The following S100PBP variants were observed in gnomAD, a reference collection of about 807,000 sequenced individuals.
S100PBP encodes the protein S100P-binding protein.
A neutral mutation model predicts 39.9 loss-of-function variants in S100PBP; 15 were observed. The ratio of observed to expected loss-of-function variants is 0.38; its 90% CI spans 0.25 to 0.58. S100PBP has a LOEUF of 0.58. Among genes scored for constraint, S100PBP ranks in the 20% least tolerant of loss-of-function variants. The pLI is 0.70. For missense variants in S100PBP, 504 were observed against 487.3 expected (o/e 1.03, Z -0.32); for synonymous variants, 178 against 180.3 (o/e 0.99, Z 0.10).
rs771560777 is a variant in S100PBP, at chr1:32,830,021, C to G, written c.978C>G (p.Leu326=). ...SNLEQQKQLY[L]RSVIAHIEDP... is the part of the protein sequence containing the mutation. ...TAGAACAGCAGAAGCAGCTTTATCT[C>G]AGGAGTGTCATTGCTCATATAGAAG... Residue 326 remains leucine (L), a synonymous_variant, in exon 5 of 7, where the codon CTC becomes CTG. Coordinates refer to ENST00000373475, the MANE Select transcript of S100PBP (RefSeq NM_022753.4). 13 of 1,613,944 alleles carry G rather than the reference C, an allele frequency of 8.1e-6. No individual in the cohort carries two copies. The South Asian group carries it at 1.4e-4, about 18-fold the overall frequency.
In S100PBP at chr1:32,845,271, T is replaced by C. The variant is rs542856504; in HGVS notation, c.1025-7808T>C. Among the ~76,000 whole-genome samples, 6 of 152,176 alleles carry C rather than the reference T, an allele frequency of 3.9e-5. No individual in the cohort carries two copies. In the South Asian group the frequency reaches 1.2e-3, roughly 32 times the overall value. Reference sequence around the variant, plus strand: ...GATGGTCTCGATCTCCTGGCCTTTCTTTTTTAAAAAATAGAGACAGTAGCC... The same window carrying C: ...GATGGTCTCGATCTCCTGGCCTTTCCTTTTTAAAAAATAGAGACAGTAGCC... On this transcript the variant is annotated intron_variant, in intron 5 of 6. Transcript: ENST00000373475.
At chr1:32,829,468 T>C (rs1321696335) in intron 4 of S100PBP, among the ~76,000 whole-genome samples, 3 of 152,172 alleles carry the variant, frequency 2.0e-5, no homozygotes, top group Non-Finnish European at 4.4e-5. Context: ...TTTTAAATTA[T>C]TTGATTTTTT....
Position 32,856,198 on chromosome 1 carries a change from G to A in S100PBP, c.*160G>A, listed in dbSNP as rs967848995. ...TCACCTTTTGGAAATGCCCATTGCC[G>A]ACTTGAATTTTTTTGTATGAAGTCC... On this transcript the variant is annotated 3_prime_UTR_variant, in exon 7 of 7. Coordinates refer to ENST00000373475, the MANE Select transcript of S100PBP (RefSeq NM_022753.4). 1.3e-5 allele frequency: 6 copies of A among 465,466 alleles called. No individual in the cohort carries two copies. The highest frequency in any genetic ancestry group is 1.2e-4 in the African/African-American group (6 of 50,010). The allele number at this position is 465,466 out of a possible 1,614,324, so 28.8% of individuals were successfully genotyped here.
At chr1:32,840,243 C>T (rs1640023864) in intron 5 of S100PBP, among the ~76,000 whole-genome samples, 2 of 152,066 alleles carry the variant, frequency 1.3e-5, no homozygotes, top group African/African-American at 4.8e-5. Context: ...ACCTTGGCCT[C>T]CCAAAGCACT....
intron 5 of S100PBP, chr1:32,843,233 C>T (rs565645805): frequency 6.6e-6 from 1 of 152,094 alleles, no homozygotes; most frequent in Non-Finnish European, 1.5e-5. Context: ...TTACTTGTTT[C>T]TTTCTGACTT....
intron 5 of S100PBP, among the ~76,000 whole-genome samples, chr1:32,844,808 T>G (rs1327424523): frequency 6.6e-6 from 1 of 151,422 alleles, no homozygotes; most frequent in Non-Finnish European, 1.5e-5. Flanking sequence ...TATAGAGAGA[T>G]ATATATCTCT....
Position 32,830,054 on chromosome 1 carries a change from G to T in S100PBP, c.1011G>T (p.Glu337Asp). ...TCATTGCTCATATAGAAGACCCAGA[G>T]GACACTAACCAAGGTAACATGGTAC... Reference protein sequence around the residue: ...RSVIAHIEDPEDTNQGISGEL... With the variant: ...RSVIAHIEDPDDTNQGISGEL... Residue 337 changes from glutamate to aspartate, a missense_variant, in exon 5 of 7, where the codon GAG (glutamate) becomes GAT (aspartate). Physicochemically the swap from Glu to Asp is conservative, Grantham distance 45. Coordinates refer to ENST00000373475, the MANE Select transcript of S100PBP (RefSeq NM_022753.4). 6.2e-7 allele frequency: 1 copy of T among 1,604,708 alleles called. No homozygotes were observed. The highest frequency in any genetic ancestry group is 1.1e-5 in the South Asian group (1 of 90,898).
At chr1:32,850,581 GTTT>G (rs1003995631) in intron 5 of S100PBP, among the ~76,000 whole-genome samples, 7 of 152,202 alleles carry the variant, frequency 4.6e-5, no homozygotes, top group African/African-American at 1.7e-4. Flanking sequence ...ATTGAACATT[GTTT>G]TTATCATGTT....
intron 5 of S100PBP, among the ~76,000 whole-genome samples, chr1:32,849,307 G>A (rs1640515074): frequency 2.0e-5 from 3 of 152,004 alleles, no homozygotes; most frequent in Middle Eastern, 3.2e-3. Flanking sequence ...TACCACACCC[G>A]GGTACTTTTT....
chr1:32,855,517 T>C (rs2148702777), intron 6 of S100PBP, among the ~76,000 whole-genome samples: 1 of 152,334 alleles, frequency 6.6e-6, no homozygotes, highest in African/African-American at 2.4e-5. Context: ...TTGAGCTGTG[T>C]CAGACAATGA....
intron 5 of S100PBP, among the ~76,000 whole-genome samples, chr1:32,832,605 T>A (rs1023389278): frequency 1.3e-5 from 2 of 152,176 alleles, no homozygotes; most frequent in African/African-American, 4.8e-5. Flanking sequence ...TCCAAAATCA[T>A]AAGATTTGTA....
Position 32,826,241 on chromosome 1 carries a change from G to C in S100PBP, c.142G>C (p.Asp48His), listed in dbSNP as rs774844442. ...GGAGCTGTCAGAGGGAGAAGAAGAT[G>C]ATGGTGATGTAAATTACACAGAGGA... ...LLELSEGEED[D>H]GDVNYTEEEI... Residue 48 changes from aspartate to histidine, a missense_variant, in exon 3 of 7, where the codon GAT (aspartate) becomes CAT (histidine). Coordinates refer to ENST00000373475, the MANE Select transcript of S100PBP (RefSeq NM_022753.4). 1 of 1,614,182 alleles carries C rather than the reference G, an allele frequency of 6.2e-7. No homozygotes were observed. The highest frequency in any genetic ancestry group is 8.5e-7 in the Non-Finnish European group (1 of 1,180,026).
intron 3 of S100PBP, 113 bp downstream of exon 3, chr1:32,827,043 G>GGTGTAGGATGCCCACAGCA: frequency 1.4e-6 from 1 of 697,940 alleles, no homozygotes; most frequent in Non-Finnish European, 2.3e-6. Context: ...CCCCTGCTGT[G>GGTGTAGGATGCCCACAGCA]GGCATCCTAC....
intron 1 of S100PBP, among the ~76,000 whole-genome samples, chr1:32,824,707 C>T (rs959116357): frequency 2.4e-4 from 37 of 151,696 alleles, no homozygotes; most frequent in African/African-American, 6.3e-4. Context: ...GAACTATAGG[C>T]GTGTGCCACC....
chr1:32,836,507 T>C, intron 5 of S100PBP: 2 of 969,958 alleles, frequency 2.1e-6, no homozygotes, highest in Non-Finnish European at 2.5e-6. Context: ...ATTGTTTTTG[T>C]GTCCCAACTA....
chr1:32,851,714 A>G (rs1640618231), intron 5 of S100PBP, among the ~76,000 whole-genome samples: 1 of 152,072 alleles, frequency 6.6e-6, no homozygotes, highest in African/African-American at 2.4e-5. Context: ...TTCTTAGACC[A>G]CCAGCATTAG....
chr1:32,839,673 G>A (rs185259768), intron 5 of S100PBP, among the ~76,000 whole-genome samples: 2 of 152,226 alleles, frequency 1.3e-5, no homozygotes, highest in East Asian at 3.9e-4. Flanking sequence ...ACCATGCCTG[G>A]CTAATTTCTT....
chr1:32,848,093 A>C (rs1477744503), intron 5 of S100PBP, among the ~76,000 whole-genome samples: 1 of 152,002 alleles, frequency 6.6e-6, no homozygotes, highest in East Asian at 1.9e-4. Flanking sequence ...TGGATCATGA[A>C]GTCAGGAGTT....
rs1166731424 is a variant in S100PBP, at chr1:32,856,151, A to G, written c.*113A>G. On this transcript the variant is annotated 3_prime_UTR_variant, in exon 7 of 7. Coordinates refer to ENST00000373475, the MANE Select transcript of S100PBP (RefSeq NM_022753.4). The stretch of plus-strand genomic sequence containing the variant: ...CCGATTTTGGATTTTATTTTTCACA[A>G]AATTTTTATTTAAAAAACTCGTCAC... 1.4e-5 allele frequency: 9 copies of G among 660,566 alleles called. No homozygotes were observed. Among genetic ancestry groups the G allele is most frequent in the African/African-American group, 9.3e-5 (5 of 53,950 alleles). The allele number at this position is 660,566 out of a possible 1,614,324, so 40.9% of individuals were successfully genotyped here. A position where few individuals can be genotyped will look rare whatever the true frequency, so the allele number is the denominator to read the frequency against.
Sources: allele counts gnomAD v4.1 joint callset (sites outside exome capture counted in the v4.1 genomes callset), GRCh38; gene constraint gnomAD v4.1.1; transcripts MANE v1.5; gene names NCBI Gene and HGNC (gene_info 2026-07-23, HGNC 2026-07-21).